ADAMTS6: variants seen among roughly 807,000 people sequenced by gnomAD.
The protein encoded by ADAMTS6 is A disintegrin and metalloproteinase with thrombospondin motifs 6.
In ADAMTS6, 23 loss-of-function variants were observed where a neutral mutation model predicts 144.3. The observed-to-expected ratio is 0.16, with a 90% CI of 0.11 to 0.23. ADAMTS6 has a LOEUF of 0.23. ADAMTS6 is among the 10% of genes least tolerant of loss of function. ADAMTS6 has a pLI of 1.00. For missense variants in ADAMTS6, 999 were observed against 1,379.6 expected (o/e 0.72, Z 4.37); for synonymous variants, 444 against 457.5 (o/e 0.97, Z 0.38).
chr5:65,311,598 A>C (rs1317690285), intron 9 of ADAMTS6, among the ~76,000 whole-genome samples: 1 of 152,102 alleles, frequency 6.6e-6, no homozygotes, highest in Non-Finnish European at 1.5e-5. Flanking sequence ...AAGATATATG[A>C]GGCAGCCCAT....
chr5:65,227,905 G>T (rs181856200), intron 15 of ADAMTS6, among the ~76,000 whole-genome samples: 1 of 152,204 alleles, frequency 6.6e-6, no homozygotes, highest in East Asian at 1.9e-4. Flanking sequence ...TCCCTAAATT[G>T]CCAACTTACG....
intron 7 of ADAMTS6, among the ~76,000 whole-genome samples, chr5:65,354,806 T>G (rs1202523630): frequency 6.6e-6 from 1 of 151,840 alleles, no homozygotes; most frequent in Non-Finnish European, 1.5e-5. Flanking sequence ...ATTTGTGGCA[T>G]TATAATGTAA....
At chr5:65,400,776 T>G (rs541791709) in intron 7 of ADAMTS6, among the ~76,000 whole-genome samples, 1 of 152,200 alleles carries the variant, frequency 6.6e-6, no homozygotes, top group Non-Finnish European at 1.5e-5. Flanking sequence ...ATTTAGAGTC[T>G]TTTATTAATA....
intron 7 of ADAMTS6, among the ~76,000 whole-genome samples, chr5:65,366,135 A>T (rs552593511): frequency 1.3e-5 from 2 of 152,308 alleles, no homozygotes; most frequent in South Asian, 4.1e-4. Context: ...CTTGTTTTTA[A>T]AACTAACCTG....
At chr5:65,354,203 A>C (rs1749114784) in intron 7 of ADAMTS6, among the ~76,000 whole-genome samples, 1 of 151,618 alleles carries the variant, frequency 6.6e-6, no homozygotes, top group Admixed American at 6.6e-5. Context: ...ATTTAATTTT[A>C]TCTCTCCAAC....
intron 7 of ADAMTS6, among the ~76,000 whole-genome samples, chr5:65,341,589 A>C (rs1264881977): frequency 6.6e-6 from 1 of 152,112 alleles, no homozygotes; most frequent in Non-Finnish European, 1.5e-5. Flanking sequence ...AATAAATGTG[A>C]AAACCTAGAA....
intron 14 of ADAMTS6, among the ~76,000 whole-genome samples, chr5:65,253,417 G>A (rs918421614): frequency 2.0e-5 from 3 of 152,068 alleles, no homozygotes; most frequent in East Asian, 1.9e-4. Context: ...TTTTGGGATC[G>A]CAAATGACCA....
chr5:65,420,158 C>A (rs1255943177), intron 7 of ADAMTS6, among the ~76,000 whole-genome samples: 1 of 152,102 alleles, frequency 6.6e-6, no homozygotes, highest in African/African-American at 2.4e-5. Flanking sequence ...CGTAATAAAA[C>A]CATCAGATCT....
chr5:65,224,061 A>T (rs1757534390), intron 18 of ADAMTS6, among the ~76,000 whole-genome samples: 1 of 152,058 alleles, frequency 6.6e-6, no homozygotes, highest in East Asian at 1.9e-4. Flanking sequence ...CGGCCTCCCA[A>T]AGTGCTGGGA....
At chr5:65,411,608 G>A (rs1195189643) in intron 7 of ADAMTS6, among the ~76,000 whole-genome samples, 2 of 152,110 alleles carry the variant, frequency 1.3e-5, no homozygotes, top group African/African-American at 4.8e-5. Flanking sequence ...AGTGACGTGG[G>A]AGTTTGATAG....
At chr5:65,179,884 C>T (rs1754228946) in intron 22 of ADAMTS6, among the ~76,000 whole-genome samples, 1 of 152,044 alleles carries the variant, frequency 6.6e-6, no homozygotes, top group Non-Finnish European at 1.5e-5. Flanking sequence ...AGATTATAAG[C>T]TCCTTAAAAT....
chr5:65,406,682 C>G (rs919449664), intron 7 of ADAMTS6, among the ~76,000 whole-genome samples: 1 of 152,210 alleles, frequency 6.6e-6, no homozygotes, highest in Non-Finnish European at 1.5e-5. Flanking sequence ...GGGAGGATTG[C>G]TTCTTTTCCT....
At chr5:65,408,271 A>G (rs1208288998) in intron 7 of ADAMTS6, among the ~76,000 whole-genome samples, 1 of 152,182 alleles carries the variant, frequency 6.6e-6, no homozygotes, top group Non-Finnish European at 1.5e-5. Context: ...GTGCAGAGAC[A>G]CACATAGGCT....
intron 9 of ADAMTS6, among the ~76,000 whole-genome samples, chr5:65,301,000 T>A (rs887631621): frequency 6.6e-6 from 1 of 152,232 alleles, no homozygotes; most frequent in African/African-American, 2.4e-5. Flanking sequence ...GTCGTTTGTA[T>A]GTGTGTTTCA....
Position 65,214,558 on chromosome 5 carries a change from G to T in ADAMTS6, c.2575+236C>A. The T allele has an allele frequency of 1.7e-6, 1 of 584,072 alleles. No homozygotes were observed. The highest frequency in any genetic ancestry group is 3.2e-5 in the East Asian group (1 of 31,488). 36.2% of individuals were successfully genotyped at this position (584,072 alleles called of 1,614,324 possible). On this transcript the variant is annotated intron_variant, in intron 20 of 24. Coordinates refer to ENST00000381055, the MANE Select transcript of ADAMTS6 (RefSeq NM_197941.4). This position sits in a 1 kb window ranked among gnomAD's most constrained non-coding sequence, Gnocchi z 4.6. ...GATAGTCTTGGGAGAAGCACCAGCA[G>T]AGACACTCATTGTGCCAAGATGTAT...
intron 7 of ADAMTS6, among the ~76,000 whole-genome samples, chr5:65,406,381 C>T (rs1391084634): frequency 6.6e-6 from 1 of 151,758 alleles, no homozygotes; most frequent in African/African-American, 2.4e-5. Context: ...TGTCAAAGGC[C>T]TTTTCGGCAT....
At chr5:65,260,807 T>C in intron 13 of ADAMTS6, 144 bp from the exon 14 acceptor site, 1 of 547,542 alleles carries the variant, frequency 1.8e-6, no homozygotes, top group Non-Finnish European at 3.1e-6. Flanking sequence ...GTAATCATGC[T>C]GGTGATTGTT....
intron 24 of ADAMTS6, among the ~76,000 whole-genome samples, chr5:65,154,487 A>C (rs1752302783): frequency 6.6e-6 from 1 of 152,154 alleles, no homozygotes; most frequent in African/African-American, 2.4e-5. Context: ...GGACGTTGGG[A>C]TTATGAGTGT....
chr5:65,261,836 TAAAAG>T (rs1314954647), intron 13 of ADAMTS6, among the ~76,000 whole-genome samples: 1 of 141,336 alleles, frequency 7.1e-6, no homozygotes, highest in Non-Finnish European at 1.6e-5. Context: ...CTAAAAAGAG[TAAAAG>T]AAAAGAAAAA....
Sources: allele counts gnomAD v4.1 joint callset (sites outside exome capture counted in the v4.1 genomes callset), GRCh38; gene constraint gnomAD v4.1.1; non-coding constraint Gnocchi (gnomAD v3.1); transcripts MANE v1.5; gene names NCBI Gene and HGNC (gene_info 2026-07-23, HGNC 2026-07-21).